Variants in NPAS3 observed in about 807,000 individuals in gnomAD.
The protein encoded by NPAS3 is neuronal PAS domain protein 3, also known as neuronal PAS domain-containing protein 3.
A neutral mutation model predicts 73.1 loss-of-function variants in NPAS3; 14 were observed. The ratio of observed to expected loss-of-function variants is 0.19; its 90% CI spans 0.13 to 0.30. The LOEUF (loss-of-function observed/expected upper bound fraction) is 0.30. NPAS3 is among the 10% of genes least tolerant of loss of function. The probability of loss-of-function intolerance (pLI) is 1.00; values close to 1 mark genes in which losing one functional copy is unlikely to be tolerated. For missense variants in NPAS3, 1,096 were observed against 1,250.0 expected, an observed-to-expected ratio of 0.88 and a Z score of 1.86; for synonymous variants, 620 against 541.5, an observed-to-expected ratio of 1.14 and a Z score of -2.01.
chr14:33,674,318 A>T (rs1040047615), intron 5 of NPAS3, among the ~76,000 whole-genome samples: 2 of 152,248 alleles, frequency 1.3e-5, no homozygotes, highest in African/African-American at 4.8e-5. Flanking sequence ...TAAAGGAAAA[A>T]ATTAGTTTGA....
intron 3 of NPAS3, among the ~76,000 whole-genome samples, chr14:33,313,286 CCT>C (rs573786584): frequency 1.4e-4 from 21 of 151,910 alleles, no homozygotes; most frequent in Non-Finnish European, 2.8e-4. Flanking sequence ...ATTTGAATCC[CCT>C]GATTGTAATA....
intron 2 of NPAS3, among the ~76,000 whole-genome samples, chr14:33,156,834 T>C (rs574676987): frequency 6.6e-6 from 1 of 152,286 alleles, no homozygotes; most frequent in South Asian, 2.1e-4. Flanking sequence ...GAAATATAAT[T>C]ATCGTTAAGG....
chr14:33,358,061 A>G (rs1048809590), intron 3 of NPAS3, among the ~76,000 whole-genome samples: 4 of 152,176 alleles, frequency 2.6e-5, no homozygotes, highest in South Asian at 2.1e-4. Flanking sequence ...GAGGACAAGC[A>G]CATCCTGGAA....
intron 4 of NPAS3, among the ~76,000 whole-genome samples, chr14:33,534,100 A>G (rs1290370321): frequency 1.3e-5 from 2 of 152,052 alleles, no homozygotes; most frequent in Non-Finnish European, 2.9e-5. Flanking sequence ...AATCTAATAT[A>G]TAATCTACAG....
At chr14:33,552,877 G>C (rs1282753760) in intron 4 of NPAS3, among the ~76,000 whole-genome samples, 2 of 152,148 alleles carry the variant, frequency 1.3e-5, no homozygotes, top group African/African-American at 4.8e-5. Context: ...AGCACAGTAA[G>C]GAATGAGCCC....
At chr14:33,746,501 T>TC (rs1491213543) in intron 7 of NPAS3, among the ~76,000 whole-genome samples, 1 of 144,616 alleles carries the variant, frequency 6.9e-6, no homozygotes, top group African/African-American at 2.9e-5. Context: ...ACTGACTCAT[T>TC]CTTTTTTTTT....
intron 4 of NPAS3, among the ~76,000 whole-genome samples, chr14:33,531,113 T>G (rs1158519364): frequency 6.6e-6 from 1 of 151,968 alleles, no homozygotes; most frequent in African/African-American, 2.4e-5. Flanking sequence ...GGTTGGAAGG[T>G]CCAAGGTCAG....
chr14:33,687,357 G>A (rs2060119086), intron 6 of NPAS3, among the ~76,000 whole-genome samples: 1 of 152,156 alleles, frequency 6.6e-6, no homozygotes, highest in Non-Finnish European at 1.5e-5. Context: ...CAAGTATAGT[G>A]TGTGTCTTTG....
intron 3 of NPAS3, among the ~76,000 whole-genome samples, chr14:33,293,167 A>G (rs1281605538): frequency 6.6e-6 from 1 of 152,184 alleles, no homozygotes; most frequent in East Asian, 1.9e-4. Flanking sequence ...AGCTGGCTGC[A>G]TTCTTTGCTT....
intron 1 of NPAS3, among the ~76,000 whole-genome samples, chr14:33,031,344 G>C (rs1022025279): frequency 3.9e-5 from 6 of 152,196 alleles, no homozygotes; most frequent in Non-Finnish European, 8.8e-5. Flanking sequence ...CCAGTTTTAT[G>C]ATGAGGGAAC....
intron 2 of NPAS3, among the ~76,000 whole-genome samples, chr14:33,062,621 T>G (rs2041148565): frequency 6.6e-6 from 1 of 152,218 alleles, no homozygotes; most frequent in Admixed American, 6.5e-5. Flanking sequence ...AAAAAATAAT[T>G]GGTTGGTGAC....
chr14:33,522,797 T>C (rs541693554), intron 4 of NPAS3, among the ~76,000 whole-genome samples: 13 of 152,300 alleles, frequency 8.5e-5, no homozygotes, highest in East Asian at 5.8e-4. Flanking sequence ...CTTACACATA[T>C]GTTTTGTGCT....
intron 4 of NPAS3, among the ~76,000 whole-genome samples, chr14:33,501,005 T>A (rs905584187): frequency 2.6e-5 from 4 of 152,034 alleles, no homozygotes; most frequent in Non-Finnish European, 5.9e-5. Flanking sequence ...ATTTAAAAAA[T>A]ATTCATACTT....
At chr14:33,597,747 C>T (rs901187037) in intron 5 of NPAS3, among the ~76,000 whole-genome samples, 3 of 152,216 alleles carry the variant, frequency 2.0e-5, no homozygotes, top group African/African-American at 4.8e-5. Flanking sequence ...CTGGCCTGTC[C>T]ACCTAGAGGT....
At chr14:33,373,212 T>G (rs542411307) in intron 4 of NPAS3, among the ~76,000 whole-genome samples, 2 of 152,338 alleles carry the variant, frequency 1.3e-5, no homozygotes, top group South Asian at 4.1e-4. Context: ...TTTCTTTCAT[T>G]TTCTAAATAA....
chr14:33,103,310 T>A (rs2042630954), intron 2 of NPAS3, among the ~76,000 whole-genome samples: 1 of 152,156 alleles, frequency 6.6e-6, no homozygotes. Context: ...CACCCTCTTG[T>A]CTGTGTCAAG....
At position 33,177,071 on chromosome 14, in the gene NPAS3, T is replaced by TTATTATTATTA. The variant is rs2045614827; in HGVS notation, c.141-38110_141-38109insATTATTATTAT. On this transcript the variant is annotated intron_variant, in intron 2 of 11. Coordinates refer to ENST00000356141, the Ensembl canonical transcript of NPAS3. ...ATTTTTTAATTAGGCTGTTTATCTT[T>TTATTATTATTA]TTATTATTATTATTATTATTATTAT... Among the ~76,000 whole-genome samples, 1,333 of 138,310 alleles carry TTATTATTATTA rather than the reference T, an allele frequency of 9.6e-3. 5 individuals carry two copies. Among genetic ancestry groups the TTATTATTATTA allele is most frequent in the Middle Eastern group, 0.018 (5 of 278 alleles). The allele number at this position is 138,310 out of a possible 152,430, so 90.7% of individuals were successfully genotyped here.
At position 33,544,825 on chromosome 14, in the gene NPAS3, A is replaced by AAT. The variant is rs1555409997; in HGVS notation, c.469-15296_469-15295insAT. Reference sequence around the variant, plus strand: ...ATATATATATATGTATATATAATATATATGTGTATATATATATTATATATA... The same window carrying AAT: ...ATATATATATATGTATATATAATATAATTATGTGTATATATATATTATATATA... On this transcript the variant is annotated intron_variant, in intron 4 of 11. Coordinates refer to ENST00000356141, the Ensembl canonical transcript of NPAS3. 6.3e-3 allele frequency among the ~76,000 whole-genome samples: 699 copies of AAT among 111,802 alleles called. 60 individuals carry two copies. Among genetic ancestry groups the AAT allele is most frequent in the Middle Eastern group, 9.3e-3 (2 of 216 alleles). 73.3% of individuals were successfully genotyped at this position (111,802 alleles called of 152,430 possible).
intron 2 of NPAS3, among the ~76,000 whole-genome samples, chr14:33,161,299 T>C (rs1477102431): frequency 6.6e-6 from 1 of 152,208 alleles, no homozygotes; most frequent in Non-Finnish European, 1.5e-5. Context: ...TGCTTAACAT[T>C]ATGATTAATT....
Sources: allele counts gnomAD v4.1 joint callset (sites outside exome capture counted in the v4.1 genomes callset), GRCh38; gene constraint gnomAD v4.1.1; transcripts MANE v1.5; gene names NCBI Gene and HGNC (gene_info 2026-07-23, HGNC 2026-07-21).